The following SHTN1 variants were observed in gnomAD, a reference collection of about 807,000 sequenced individuals.
SHTN1 encodes the protein shootin-1.
Under a neutral mutation model 83.1 loss-of-function variants are expected in SHTN1, and 42 were observed. The observed-to-expected ratio is 0.51, with a 90% confidence interval of 0.39 to 0.65. The LOEUF is 0.65. SHTN1 is among the 30% of genes least tolerant of loss of function. The probability of loss-of-function intolerance (pLI) is 0.00; values close to 1 mark genes in which losing one functional copy is unlikely to be tolerated. For synonymous variants in SHTN1, 224 were observed against 247.7 expected (o/e 0.90, Z 0.90); for missense variants, 622 against 737.8 (o/e 0.84, Z 1.82).
chr10:116,968,104 C>T (rs1850465936), intron 3 of SHTN1, among the ~76,000 whole-genome samples: 1 of 152,116 alleles, frequency 6.6e-6, no homozygotes, highest in Non-Finnish European at 1.5e-5. Flanking sequence ...ATTGCTTAAA[C>T]CCAGGAGGTG....
At chr10:117,003,106 T>C (rs1322408073) in intron 1 of SHTN1, among the ~76,000 whole-genome samples, 1 of 152,134 alleles carries the variant, frequency 6.6e-6, no homozygotes, top group Non-Finnish European at 1.5e-5. Context: ...AAAATTTTTT[T>C]ATGTTTATCA....
intron 2 of SHTN1, among the ~76,000 whole-genome samples, chr10:117,038,212 C>T (rs1852529780): frequency 6.6e-6 from 1 of 151,892 alleles, no homozygotes; most frequent in Non-Finnish European, 1.5e-5. Flanking sequence ...ATGATCATAG[C>T]TCACTGCAAC....
Position 116,901,832 on chromosome 10 carries a change from G to T in SHTN1, c.1606C>A (p.Pro536Thr), listed in dbSNP as rs772849432. 13 of 1,604,338 alleles carry T rather than the reference G, an allele frequency of 8.1e-6. No individual in the cohort carries two copies. The East Asian group carries it at 1.1e-4, about 14-fold the overall frequency. ...LEAEFNSPSPPTPEPGEGPRK... is the reference protein window; with the variant it reads ...LEAEFNSPSPTTPEPGEGPRK... ...GGCCCTTCACCTGGCTCAGGTGTTGGGGGGGACGGGCTGTTGAATTCTGCC... is the reference window on the plus strand; with the variant it reads ...GGCCCTTCACCTGGCTCAGGTGTTGTGGGGGACGGGCTGTTGAATTCTGCC... The change falls in exon 16 of 17, where the codon CCA becomes ACA. Residue 536 changes from proline (P) to threonine (T), a missense_variant. This residue lies in a region of SHTN1 where 231 missense variants were observed against 251.6 expected (regional missense o/e 0.92). Coordinates refer to ENST00000355371, the MANE Select transcript of SHTN1 (RefSeq NM_001127211.3).
In SHTN1 at chr10:116,883,617, C is replaced by T. The variant is rs886312272; in HGVS notation, c.*2727G>A. ...GACTATCATTTACTGAACACACAAC[C>T]AAAAACTGGTCTGGAAAGACAATTA... On this transcript the variant is annotated 3_prime_UTR_variant, in exon 17 of 17. Coordinates refer to ENST00000355371, the MANE Select transcript of SHTN1 (RefSeq NM_001127211.3). The T allele has an allele frequency of 2.6e-4, 40 of 152,460 alleles. No individual in the cohort carries two copies. Among genetic ancestry groups the T allele is most frequent in the African/African-American group, 9.2e-4 (38 of 41,452 alleles). 9.4% of individuals were successfully genotyped at this position (152,460 alleles called of 1,614,324 possible). A position where few individuals can be genotyped will look rare whatever the true frequency, so the allele number is the denominator to read the frequency against.
At chr10:116,914,611 A>T (rs922126600) in intron 13 of SHTN1, among the ~76,000 whole-genome samples, 1 of 152,192 alleles carries the variant, frequency 6.6e-6, no homozygotes, top group African/African-American at 2.4e-5. Flanking sequence ...AAGAAGGCGA[A>T]GGAAGAAGAG....
chr10:117,047,779 CT>C (rs1186446409), intron 2 of SHTN1, among the ~76,000 whole-genome samples: 14 of 145,378 alleles, frequency 9.6e-5, no homozygotes, highest in African/African-American at 3.2e-4. Context: ...AAAAGTCTCT[CT>C]TTTTTTTTGT....
chr10:116,983,502 T>C (rs1278473203), intron 1 of SHTN1, among the ~76,000 whole-genome samples: 1 of 152,146 alleles, frequency 6.6e-6, no homozygotes, highest in African/African-American at 2.4e-5. Context: ...GTAAAAGCAC[T>C]TCTGAGAGCT....
intron 2 of SHTN1, among the ~76,000 whole-genome samples, chr10:117,027,021 T>G (rs1852342179): frequency 6.6e-6 from 1 of 152,182 alleles, no homozygotes; most frequent in Non-Finnish European, 1.5e-5. Context: ...CAGCTCCAGG[T>G]GGCTCAGAAC....
At chr10:116,953,820 G>C (rs570524455) in intron 5 of SHTN1, among the ~76,000 whole-genome samples, 1 of 151,640 alleles carries the variant, frequency 6.6e-6, no homozygotes, top group East Asian at 1.9e-4. Context: ...GTAGAGACCG[G>C]GTTTCACCAG....
intron 16 of SHTN1, among the ~76,000 whole-genome samples, chr10:116,896,165 G>A (rs959345860): frequency 3.9e-5 from 6 of 152,028 alleles, no homozygotes; most frequent in East Asian, 1.9e-4. Flanking sequence ...CATTTCCCCC[G>A]AAAATGCTTT....
At chr10:117,111,348 C>T (rs112921436) in intron 1 of SHTN1, among the ~76,000 whole-genome samples, 3 of 151,946 alleles carry the variant, frequency 2.0e-5, no homozygotes, top group African/African-American at 7.2e-5. Flanking sequence ...GGCTGGAGTA[C>T]AGTAGCACAG....
intron 1 of SHTN1, among the ~76,000 whole-genome samples, chr10:116,991,236 G>T (rs140528438): frequency 1.1e-4 from 16 of 152,166 alleles, no homozygotes; most frequent in Non-Finnish European, 1.6e-4. Context: ...ATGCATGGTT[G>T]TAGTTTTCGT....
chr10:116,971,958 T>A (rs1201736729), intron 2 of SHTN1, among the ~76,000 whole-genome samples: 1 of 152,214 alleles, frequency 6.6e-6, no homozygotes, highest in East Asian at 1.9e-4. Context: ...GGAATGGTGC[T>A]CTATCTAGTC....
At chr10:116,928,194 TTTG>T (rs1848815401) in intron 10 of SHTN1, among the ~76,000 whole-genome samples, 1 of 152,138 alleles carries the variant, frequency 6.6e-6, no homozygotes, top group Non-Finnish European at 1.5e-5. Flanking sequence ...TGAAGAAATA[TTTG>T]TTAACAACGA....
At chr10:116,930,700 G>T (rs948076457) in intron 9 of SHTN1, among the ~76,000 whole-genome samples, 2 of 152,164 alleles carry the variant, frequency 1.3e-5, no homozygotes, top group Non-Finnish European at 2.9e-5. Flanking sequence ...ATGTGTGCAC[G>T]TGTCTTTATG....
chr10:116,943,727 A>G (rs1030531827), intron 8 of SHTN1, among the ~76,000 whole-genome samples: 2 of 152,188 alleles, frequency 1.3e-5, no homozygotes, highest in African/African-American at 4.8e-5. Context: ...TGGATTTTCA[A>G]ATGTCATTCC....
At chr10:116,966,813 C>G (rs1013545349) in intron 3 of SHTN1, among the ~76,000 whole-genome samples, 15 of 152,168 alleles carry the variant, frequency 9.9e-5, no homozygotes, top group Non-Finnish European at 2.1e-4. Flanking sequence ...ATAATTCAAG[C>G]ATATTAACCG....
At chr10:116,991,480 C>T (rs563108272) in intron 1 of SHTN1, among the ~76,000 whole-genome samples, 1 of 152,144 alleles carries the variant, frequency 6.6e-6, no homozygotes, top group African/African-American at 2.4e-5. Flanking sequence ...GCGTGTGGAG[C>T]GATCATACGG....
intron 3 of SHTN1, among the ~76,000 whole-genome samples, chr10:116,961,540 C>T (rs973720761): frequency 2.0e-5 from 3 of 151,846 alleles, no homozygotes; most frequent in Admixed American, 1.3e-4. Flanking sequence ...TTGATGAGCA[C>T]GATACTTGCA....
Sources: gnomAD v4.1 joint callset for allele counts (sites outside exome capture counted in the v4.1 genomes callset) on GRCh38, gnomAD v4.1.1 for gene constraint, gnomAD v4.1.1 regional missense constraint, MANE v1.5 for transcripts, NCBI Gene and HGNC (gene_info 2026-07-23, HGNC 2026-07-21) for gene names.